The following PTPRG variants were observed in gnomAD, a reference collection of about 807,000 sequenced individuals.
PTPRG encodes receptor-type tyrosine-protein phosphatase gamma.
PTPRG carries 102 observed loss-of-function variants against 165.3 expected under a neutral mutation model. That is an observed-to-expected ratio of 0.62 (90% CI 0.53 to 0.73). The LOEUF is 0.73. PTPRG is among the 30% of genes least tolerant of loss of function. The pLI is 0.00. For missense variants in PTPRG, 1,866 were observed against 1,861.4 expected (o/e 1.00, Z -0.05); for synonymous variants, 675 against 669.5 (o/e 1.01, Z -0.13).
chr3:61,656,240 A>G (rs1477760022), intron 1 of PTPRG, among the ~76,000 whole-genome samples: 13 of 152,174 alleles, frequency 8.5e-5, no homozygotes, highest in Admixed American at 7.9e-4. Context: ...TCTTAAAAAA[A>G]TAAATAAATA....
intron 1 of PTPRG, among the ~76,000 whole-genome samples, chr3:61,677,970 G>A (rs139606952): frequency 2.6e-5 from 4 of 152,208 alleles, no homozygotes; most frequent in Admixed American, 6.5e-5. Context: ...TGGGAAATTC[G>A]ATACCCAGAG....
intron 10 of PTPRG, among the ~76,000 whole-genome samples, chr3:62,198,969 G>A (rs933675310): frequency 6.6e-6 from 1 of 152,216 alleles, no homozygotes; most frequent in Non-Finnish European, 1.5e-5. Flanking sequence ...GTAGAAGCTA[G>A]TCCTAGTTAC....
chr3:62,064,432 G>T (rs1231933459), intron 4 of PTPRG, among the ~76,000 whole-genome samples: 1 of 152,066 alleles, frequency 6.6e-6, no homozygotes, highest in Non-Finnish European at 1.5e-5. Context: ...TTCAAGGTTG[G>T]TCTTGAACTC....
intron 4 of PTPRG, among the ~76,000 whole-genome samples, chr3:62,040,609 ACG>A (rs1325168181): frequency 1.3e-5 from 2 of 152,100 alleles, no homozygotes; most frequent in East Asian, 3.9e-4. Flanking sequence ...ATGCGCCACC[ACG>A]CCCAGCTAAT....
At chr3:62,143,070 C>T (rs746409215) in intron 6 of PTPRG, among the ~76,000 whole-genome samples, 3 of 152,186 alleles carry the variant, frequency 2.0e-5, no homozygotes, top group Non-Finnish European at 2.9e-5. Context: ...GGTCCTCTCC[C>T]GCTCAGATCC....
rs114937702 is a variant in PTPRG at position 61,664,558 on chromosome 3, G to A, written c.86-84320G>A. On this transcript the variant is annotated intron_variant, in intron 1 of 29. Transcript: ENST00000474889. ...TAAAAATGCATTGTAAAGGCCTGGC[G>A]TGGTTCACACATGTAATCCCAGCAC... 3.7e-3 allele frequency among the ~76,000 whole-genome samples: 564 copies of A among 152,326 alleles called. 3 individuals are homozygous for A. Among genetic ancestry groups the A allele is most frequent in the African/African-American group, 0.013 (533 of 41,560 alleles).
chr3:61,662,213 A>G (rs888407609), intron 1 of PTPRG, among the ~76,000 whole-genome samples: 2 of 152,196 alleles, frequency 1.3e-5, no homozygotes, highest in African/African-American at 2.4e-5. Context: ...GCTAGACTTC[A>G]TGTCTCCTGA....
At chr3:61,578,390 T>C (rs987948135) in intron 1 of PTPRG, among the ~76,000 whole-genome samples, 1 of 152,186 alleles carries the variant, frequency 6.6e-6, no homozygotes, top group Admixed American at 6.5e-5. Context: ...ATAGCCAAGC[T>C]CATTTAGGAT....
intron 4 of PTPRG, among the ~76,000 whole-genome samples, chr3:62,060,096 T>C (rs1700758922): frequency 6.6e-6 from 1 of 151,656 alleles, no homozygotes; most frequent in African/African-American, 2.4e-5. Flanking sequence ...CACAAGCCTG[T>C]AGCCCCAGCT....
chr3:61,630,175 G>C (rs1345925673), intron 1 of PTPRG, among the ~76,000 whole-genome samples: 1 of 152,152 alleles, frequency 6.6e-6, no homozygotes, highest in Non-Finnish European at 1.5e-5. Flanking sequence ...TAAAATGATG[G>C]GGTGAGAACT....
intron 4 of PTPRG, among the ~76,000 whole-genome samples, chr3:62,075,049 T>C (rs1052371783): frequency 1.3e-5 from 2 of 152,304 alleles, no homozygotes; most frequent in East Asian, 1.9e-4. Context: ...GTAAGAAAAA[T>C]AGATATTTCA....
rs547640813 is a variant in PTPRG at position 62,191,456 on chromosome 3, T to G, written c.1034-13T>G. On this transcript the variant is annotated splice_polypyrimidine_tract_variant and intron_variant, in intron 8 of 29. Transcript: ENST00000474889. ...TCTGAAAGCTCCCTGAGCTGAGCCC[T>G]GTGTATCTTCAGTTTGCAGCTCTCC... 63 of 1,612,240 alleles carry G rather than the reference T, an allele frequency of 3.9e-5. No individual in the cohort carries two copies. The African/African-American group carries it at 8.1e-4, about 21-fold the overall frequency.
chr3:61,903,922 A>T (rs773161087), intron 2 of PTPRG, among the ~76,000 whole-genome samples: 1 of 152,038 alleles, frequency 6.6e-6, no homozygotes, highest in South Asian at 2.1e-4. Flanking sequence ...TCCTTTTTAC[A>T]TATGTCTGTT....
At chr3:61,746,639 TCTGA>T (rs1468303763) in intron 1 of PTPRG, among the ~76,000 whole-genome samples, 2 of 152,242 alleles carry the variant, frequency 1.3e-5, no homozygotes, top group African/African-American at 4.8e-5. Flanking sequence ...GAAGAATCTC[TCTGA>T]CTGGCCAGTG....
At chr3:61,793,685 A>G (rs569891873) in intron 2 of PTPRG, among the ~76,000 whole-genome samples, 1 of 152,290 alleles carries the variant, frequency 6.6e-6, no homozygotes, top group African/African-American at 2.4e-5. Context: ...ACCAGCCAAG[A>G]CCTTAACTTG....
intron 2 of PTPRG, among the ~76,000 whole-genome samples, chr3:61,842,639 G>A (rs1294730430): frequency 7.6e-6 from 1 of 131,418 alleles, no homozygotes; most frequent in African/African-American, 2.9e-5. Flanking sequence ...GGATGACACA[G>A]ATAAAGTGAA....
chr3:62,105,147 C>T (rs186941805), intron 5 of PTPRG, among the ~76,000 whole-genome samples: 238 of 152,150 alleles, frequency 1.6e-3, no homozygotes, highest in African/African-American at 5.5e-3. Context: ...ATTGCTATAG[C>T]GTGATGTTGG....
chr3:62,294,257 T>TATTA lies in PTPRG; in HGVS notation c.*951_*954dup, dbSNP rs1298471118. 6.6e-6 allele frequency: 1 copy of TATTA among 152,126 alleles called. No individual in the cohort carries two copies. The highest frequency in any genetic ancestry group is 1.5e-5 in the Non-Finnish European group (1 of 67,996). The allele number at this position is 152,126 out of a possible 1,614,324, so 9.4% of individuals were successfully genotyped here. ...TGAAACTAGTCCTCTAAAAATTCCCTATTACTCCTATAGCAATCTAATAAA... is the reference window on the plus strand; with the variant it reads ...TGAAACTAGTCCTCTAAAAATTCCCTATTAATTACTCCTATAGCAATCTAATAAA... On this transcript the variant is annotated 3_prime_UTR_variant, in exon 30 of 30. Transcript: ENST00000474889.
chr3:62,052,627 C>G (rs1191233452), intron 4 of PTPRG, among the ~76,000 whole-genome samples: 1 of 152,084 alleles, frequency 6.6e-6, no homozygotes, highest in Non-Finnish European at 1.5e-5. Flanking sequence ...CCTGGGAGTT[C>G]CAGGCTGCAG....
Sources: allele counts gnomAD v4.1 joint callset (sites outside exome capture counted in the v4.1 genomes callset), GRCh38; gene constraint gnomAD v4.1.1; transcripts MANE v1.5; gene names NCBI Gene and HGNC (gene_info 2026-07-23, HGNC 2026-07-21).